The following MARCHF1 variants were observed in gnomAD, a reference collection of about 807,000 sequenced individuals.
MARCHF1 encodes the protein E3 ubiquitin-protein ligase MARCHF1.
In MARCHF1, 40 loss-of-function variants were observed where a neutral mutation model predicts 54.2. That is an observed-to-expected ratio of 0.74 (90% CI 0.57 to 0.96). MARCHF1 has a LOEUF of 0.96. Ranked by LOEUF, MARCHF1 falls within the 40% of genes least tolerant of loss-of-function variation. MARCHF1 has a pLI of 0.00. For missense variants in MARCHF1, 586 were observed against 656.5 expected, an observed-to-expected ratio of 0.89 and a Z score of 1.17; for synonymous variants, 236 against 236.3, an observed-to-expected ratio of 1.00 and a Z score of 0.01.
intron 3 of MARCHF1, among the ~76,000 whole-genome samples, chr4:163,982,505 C>T (rs1752783521): frequency 6.6e-6 from 1 of 152,196 alleles, no homozygotes; most frequent in Non-Finnish European, 1.5e-5. Context: ...ATTGCAACTG[C>T]CCTTTGGCAA....
At chr4:164,093,003 C>A (rs1331563947) in intron 2 of MARCHF1, among the ~76,000 whole-genome samples, 1 of 152,010 alleles carries the variant, frequency 6.6e-6, no homozygotes, top group East Asian at 1.9e-4. Context: ...AAGTAAAGAA[C>A]CTTGGTAATT....
chr4:164,354,293 G>A (rs1234902496), intron 1 of MARCHF1, among the ~76,000 whole-genome samples: 6 of 130,680 alleles, frequency 4.6e-5, no homozygotes, highest in East Asian at 2.3e-4. Flanking sequence ...TACCAAAGCC[G>A]GGCAGAGACA....
chr4:164,367,474 T>C (rs1373609716), intron 1 of MARCHF1, among the ~76,000 whole-genome samples: 1 of 152,050 alleles, frequency 6.6e-6, no homozygotes, highest in African/African-American at 2.4e-5. Context: ...GGATGAAATA[T>C]ATTAATAGGT....
intron 1 of MARCHF1, among the ~76,000 whole-genome samples, chr4:164,286,943 C>T (rs1400519706): frequency 6.7e-6 from 1 of 149,738 alleles, no homozygotes; most frequent in Non-Finnish European, 1.5e-5. Context: ...GGTGGAAAAT[C>T]CTGGGTTTCA....
At chr4:164,325,136 T>G (rs1735239658) in intron 1 of MARCHF1, among the ~76,000 whole-genome samples, 2 of 151,754 alleles carry the variant, frequency 1.3e-5, no homozygotes, top group Admixed American at 1.3e-4. Flanking sequence ...AAGTCTATAT[T>G]AAATGTATAT....
intron 2 of MARCHF1, among the ~76,000 whole-genome samples, chr4:164,102,710 T>C (rs979517765): frequency 1.1e-4 from 17 of 151,576 alleles, no homozygotes; most frequent in Non-Finnish European, 2.2e-4. Context: ...CATCAACTAA[T>C]GAGCAAAATA....
chr4:164,378,708 A>G (rs1406454223), intron 1 of MARCHF1, among the ~76,000 whole-genome samples: 2 of 152,074 alleles, frequency 1.3e-5, no homozygotes, highest in African/African-American at 4.8e-5. Context: ...TGGAGCCTTT[A>G]TAAGTTTGTT....
Position 163,932,669 on chromosome 4 carries a change from G to A in MARCHF1, c.-39+55832C>T, listed in dbSNP as rs4352425. 414 of 490,764 alleles carry A rather than the reference G, an allele frequency of 8.4e-4. 1 individual carries two copies. Among genetic ancestry groups the A allele is most frequent in the African/African-American group, 7.5e-3 (381 of 50,532 alleles). The allele number at this position is 490,764 out of a possible 1,614,324, so 30.4% of individuals were successfully genotyped here. A position where few individuals can be genotyped will look rare whatever the true frequency, so the allele number is the denominator to read the frequency against. ...TGCTTTCCGTGGCCTACATGAGTGC[G>A]GTTGGGGGCTGCAGGTCCACCTGCA... On this transcript the variant is annotated intron_variant, in intron 3 of 9. Transcript: ENST00000514618.
chr4:164,300,624 C>T lies in MARCHF1; in HGVS notation c.-323+83246G>A, dbSNP rs531279227. Reference sequence around the variant, plus strand: ...GGGAGTGATCTCAGCTCACTGAAGCCGTGACCTCCTGGGCTCAAGCAATTC... The same window carrying T: ...GGGAGTGATCTCAGCTCACTGAAGCTGTGACCTCCTGGGCTCAAGCAATTC... On this transcript the variant is annotated intron_variant, in intron 1 of 9. Coordinates refer to ENST00000514618, the MANE Select transcript of MARCHF1 (RefSeq NM_001394959.1). Among the ~76,000 whole-genome samples, 8 of 152,218 alleles carry T rather than the reference C, an allele frequency of 5.3e-5. No individual in the cohort carries two copies. The South Asian group carries it at 8.3e-4, about 16-fold the overall frequency.
intron 2 of MARCHF1, among the ~76,000 whole-genome samples, chr4:164,110,598 A>C (rs527464228): frequency 2.6e-5 from 4 of 151,862 alleles, no homozygotes; most frequent in African/African-American, 7.2e-5. Context: ...TATGCCACTA[A>C]ATTCAGAAAT....
chr4:164,057,422 T>C (rs1354205622), intron 2 of MARCHF1, among the ~76,000 whole-genome samples: 1 of 152,226 alleles, frequency 6.6e-6, no homozygotes, highest in African/African-American at 2.4e-5. Context: ...CATTATTTCA[T>C]ACAATTTAGA....
chr4:163,615,117 TC>T (rs201050748), intron 5 of MARCHF1, among the ~76,000 whole-genome samples: 2,174 of 152,156 alleles, frequency 0.014, 27 homozygotes, highest in Non-Finnish European at 0.024. Flanking sequence ...GACTACTGGA[TC>T]CCAGGACGTG....
chr4:163,905,436 A>G (rs1751044088), intron 3 of MARCHF1, among the ~76,000 whole-genome samples: 1 of 152,108 alleles, frequency 6.6e-6, no homozygotes, highest in East Asian at 1.9e-4. Context: ...CTGAAATAGA[A>G]CACAGCTATT....
chr4:163,831,177 A>T (rs201288196), intron 4 of MARCHF1, among the ~76,000 whole-genome samples: 3 of 152,130 alleles, frequency 2.0e-5, no homozygotes, highest in African/African-American at 7.2e-5. Flanking sequence ...CTGAACCCTT[A>T]GTGACAAAGG....
chr4:164,037,421 C>G (rs1213898563), intron 2 of MARCHF1, among the ~76,000 whole-genome samples: 1 of 152,082 alleles, frequency 6.6e-6, no homozygotes, highest in Non-Finnish European at 1.5e-5. Context: ...AAAAAGTGAA[C>G]TGATAAGCAA....
chr4:164,151,051 G>C (rs1729921539), intron 1 of MARCHF1, among the ~76,000 whole-genome samples: 1 of 152,162 alleles, frequency 6.6e-6, no homozygotes, highest in Non-Finnish European at 1.5e-5. Context: ...TTCAAAACTG[G>C]AAAAGGAAAG....
At chr4:164,241,716 C>T (rs376246718) in intron 1 of MARCHF1, among the ~76,000 whole-genome samples, 23 of 152,234 alleles carry the variant, frequency 1.5e-4, no homozygotes, top group South Asian at 8.3e-4. Flanking sequence ...TCTGAGGTAC[C>T]GGGTTCATCT....
chr4:163,709,490 T>A (rs1431515083), intron 4 of MARCHF1, among the ~76,000 whole-genome samples: 1 of 152,130 alleles, frequency 6.6e-6, no homozygotes, highest in East Asian at 1.9e-4. Flanking sequence ...AACATCTAAT[T>A]AAGAAACTCT....
At chr4:163,602,061 A>C (rs1740990660) in intron 7 of MARCHF1, among the ~76,000 whole-genome samples, 1 of 151,998 alleles carries the variant, frequency 6.6e-6, no homozygotes, top group African/African-American at 2.4e-5. Context: ...AGAAAAGATA[A>C]CATGCCATTT....
Sources: gnomAD v4.1 joint callset for allele counts (sites outside exome capture counted in the v4.1 genomes callset) on GRCh38, gnomAD v4.1.1 for gene constraint, MANE v1.5 for transcripts, NCBI Gene and HGNC (gene_info 2026-07-23, HGNC 2026-07-21) for gene names.